Variants in HS6ST3 observed in about 807,000 individuals in gnomAD.
HS6ST3 encodes heparan-sulfate 6-O-sulfotransferase 3.
HS6ST3 carries 12 observed loss-of-function variants against 36.7 expected under a neutral mutation model. The observed-to-expected ratio is 0.33, with a 90% CI of 0.21 to 0.53. The LOEUF is 0.53. Ranked by LOEUF, HS6ST3 falls within the 20% of genes least tolerant of loss-of-function variation. HS6ST3 has a pLI of 0.95. For synonymous variants in HS6ST3, 240 were observed against 257.5 expected (o/e 0.93, Z 0.65); for missense variants, 584 against 640.9 (o/e 0.91, Z 0.96).
intron 1 of HS6ST3, among the ~76,000 whole-genome samples, chr13:96,466,239 C>T (rs2055812974): frequency 6.6e-6 from 1 of 152,050 alleles, no homozygotes; most frequent in Non-Finnish European, 1.5e-5. Context: ...CAAGATCACA[C>T]CACTGCACTC....
At chr13:96,232,913 G>A (rs1217889938) in intron 1 of HS6ST3, among the ~76,000 whole-genome samples, 1 of 152,160 alleles carries the variant, frequency 6.6e-6, no homozygotes, top group Admixed American at 6.5e-5. Context: ...TAGGCCTAGT[G>A]TGTTTCATGA....
At chr13:96,267,165 C>G (rs972819668) in intron 1 of HS6ST3, among the ~76,000 whole-genome samples, 21 of 152,134 alleles carry the variant, frequency 1.4e-4, no homozygotes, top group African/African-American at 3.9e-4. Context: ...GTAAGATGTG[C>G]CTTTGCTCCT....
At chr13:96,732,858 C>A (rs1301121648) in intron 1 of HS6ST3, among the ~76,000 whole-genome samples, 1 of 151,908 alleles carries the variant, frequency 6.6e-6, no homozygotes, top group South Asian at 2.1e-4. Flanking sequence ...AGATCTTTCA[C>A]CTTGTTTGTT....
intron 1 of HS6ST3, among the ~76,000 whole-genome samples, chr13:96,724,610 T>G (rs1749794292): frequency 6.6e-6 from 1 of 152,188 alleles, no homozygotes. Flanking sequence ...GTTATAGAAA[T>G]GAAATTATAA....
intron 1 of HS6ST3, among the ~76,000 whole-genome samples, chr13:96,293,270 C>T (rs1162344328): frequency 6.6e-6 from 1 of 151,994 alleles, no homozygotes; most frequent in African/African-American, 2.4e-5. Flanking sequence ...GCTCCGATAC[C>T]TTGAGTTTGC....
At chr13:96,611,926 T>C (rs2056458298) in intron 1 of HS6ST3, among the ~76,000 whole-genome samples, 1 of 152,138 alleles carries the variant, frequency 6.6e-6, no homozygotes, top group African/African-American at 2.4e-5. Flanking sequence ...ATCTGGTCTG[T>C]GTCAGGAAAG....
intron 1 of HS6ST3, among the ~76,000 whole-genome samples, chr13:96,470,142 G>A (rs1252601437): frequency 6.6e-6 from 1 of 152,002 alleles, no homozygotes; most frequent in African/African-American, 2.4e-5. Flanking sequence ...TTCCCTTGTT[G>A]TTATACCTGA....
chr13:96,648,263 A>G (rs945208705), intron 1 of HS6ST3, among the ~76,000 whole-genome samples: 1 of 152,174 alleles, frequency 6.6e-6, no homozygotes. Context: ...TAACATGCCT[A>G]AAATAGAACT....
At chr13:96,242,009 T>C (rs2139373036) in intron 1 of HS6ST3, among the ~76,000 whole-genome samples, 1 of 151,822 alleles carries the variant, frequency 6.6e-6, no homozygotes, top group East Asian at 2.0e-4. Context: ...ATGGTCTCGA[T>C]CTCCTGACCT....
chr13:96,812,548 A>T (rs1045634742), intron 1 of HS6ST3, among the ~76,000 whole-genome samples: 5 of 152,096 alleles, frequency 3.3e-5, no homozygotes, highest in Non-Finnish European at 7.4e-5. Context: ...TAACCTTCCA[A>T]CACTTTTTTC....
chr13:96,489,375 AACAC>A (rs67334904), intron 1 of HS6ST3, among the ~76,000 whole-genome samples: 1,718 of 147,744 alleles, frequency 0.012, 14 homozygotes, highest in Non-Finnish European at 0.015. Flanking sequence ...TGTATATACA[AACAC>A]ACACACACAC....
At chr13:96,726,939 A>G (rs1230744393) in intron 1 of HS6ST3, among the ~76,000 whole-genome samples, 1 of 152,112 alleles carries the variant, frequency 6.6e-6, no homozygotes, top group African/African-American at 2.4e-5. Flanking sequence ...TATATAGTAG[A>G]TAGGTCTGGA....
chr13:96,666,245 G>T (rs2056663861), intron 1 of HS6ST3, among the ~76,000 whole-genome samples: 1 of 152,124 alleles, frequency 6.6e-6, no homozygotes, highest in African/African-American at 2.4e-5. Flanking sequence ...CAGCATGGGG[G>T]TAAGCCCCAC....
At chr13:96,806,489 G>A (rs1410394940) in intron 1 of HS6ST3, among the ~76,000 whole-genome samples, 1 of 152,178 alleles carries the variant, frequency 6.6e-6, no homozygotes, top group Non-Finnish European at 1.5e-5. Context: ...CTTCCTTGTG[G>A]CAACAGGTGA....
intron 1 of HS6ST3, among the ~76,000 whole-genome samples, chr13:96,626,824 C>A (rs2056514131): frequency 6.6e-6 from 1 of 151,928 alleles, no homozygotes; most frequent in African/African-American, 2.4e-5. Context: ...TGATGCTATT[C>A]TACATAGTAT....
chr13:96,822,766 A>G (rs547786483), intron 1 of HS6ST3, among the ~76,000 whole-genome samples: 1 of 152,318 alleles, frequency 6.6e-6, no homozygotes, highest in African/African-American at 2.4e-5. Flanking sequence ...CATTGCATAC[A>G]AACTACATCT....
At chr13:96,404,802 G>A (rs570174426) in intron 1 of HS6ST3, among the ~76,000 whole-genome samples, 41 of 152,274 alleles carry the variant, frequency 2.7e-4, no homozygotes, top group Admixed American at 2.7e-3. Context: ...CAGGTGATAT[G>A]GTTTGGCTGT....
rs866174893 is a variant in HS6ST3 at position 96,635,721 on chromosome 13, G to C, written c.708-196769G>C. 1.1e-4 allele frequency among the ~76,000 whole-genome samples: 16 copies of C among 152,092 alleles called. 1 individual carries two copies. The South Asian group carries it at 2.3e-3, about 22-fold the overall frequency. ...GAGTTGCAGTGCTCCACACATAATA[G>C]GTAGACAACAAATGTTTCTTGACCT... On this transcript the variant is annotated intron_variant, in intron 1 of 1. Coordinates refer to ENST00000376705, the MANE Select transcript of HS6ST3 (RefSeq NM_153456.4).
At chr13:96,249,824 A>G (rs1351206234) in intron 1 of HS6ST3, among the ~76,000 whole-genome samples, 2 of 152,204 alleles carry the variant, frequency 1.3e-5, no homozygotes, top group African/African-American at 2.4e-5. Flanking sequence ...ACATTATGCT[A>G]TGAAATAAGC....
Sources: allele counts gnomAD v4.1 joint callset (sites outside exome capture counted in the v4.1 genomes callset), GRCh38; gene constraint gnomAD v4.1.1; transcripts MANE v1.5; gene names NCBI Gene and HGNC (gene_info 2026-07-23, HGNC 2026-07-21).